Variants in CCDC3 observed in about 807,000 individuals in gnomAD.
CCDC3 encodes the protein coiled-coil domain containing 3.
Under a neutral mutation model 21.4 loss-of-function variants are expected in CCDC3, and 24 were observed. The ratio of observed to expected loss-of-function variants is 1.12; its 90% CI spans 0.81 to 1.58. CCDC3 has a LOEUF of 1.58. CCDC3 is among the 40% of genes most tolerant of loss of function. CCDC3 has a pLI of 0.00. For synonymous variants in CCDC3, 186 were observed against 166.0 expected, an observed-to-expected ratio of 1.12 and a Z score of -0.93; for missense variants, 425 against 360.9, an observed-to-expected ratio of 1.18 and a Z score of -1.44.
intron 4 of CCDC3, chr10:13,057,987 C>T (rs961032625): frequency 3.0e-5 from 20 of 674,090 alleles, no homozygotes; most frequent in Non-Finnish European, 4.9e-5. Flanking sequence ...TCTGGAGTTA[C>T]ATTGTTCTTT....
chr10:12,941,867 G>A (rs552981604), intron 2 of CCDC3, among the ~76,000 whole-genome samples: 1 of 152,184 alleles, frequency 6.6e-6, no homozygotes, highest in Non-Finnish European at 1.5e-5. Context: ...ATTTGTAAGA[G>A]TGCCTTCCTC....
intron 2 of CCDC3, among the ~76,000 whole-genome samples, chr10:12,937,677 AC>A (rs1834762224): frequency 1.3e-5 from 2 of 152,028 alleles, no homozygotes; most frequent in Non-Finnish European, 1.5e-5. Context: ...AAGTTTAAAA[AC>A]CCTTGTTCCA....
At position 12,897,494 on chromosome 10, in the gene CCDC3, A is replaced by C. The variant is rs1257426660; in HGVS notation, c.*922T>G. On this transcript the variant is annotated 3_prime_UTR_variant, in exon 3 of 3. Transcript: ENST00000378825. ...TGAGCCCTTTGGGAGCCTGGCTGGG[A>C]GTGAGGTCAGGTCACGTGATCCCAG... The C allele has an allele frequency of 6.6e-6, 1 of 152,136 alleles. No homozygotes were observed. Among genetic ancestry groups the C allele is most frequent in the Non-Finnish European group, 1.5e-5 (1 of 68,052 alleles). The allele number at this position is 152,136 out of a possible 1,614,324, so 9.4% of individuals were successfully genotyped here.
intron 2 of CCDC3, among the ~76,000 whole-genome samples, chr10:12,919,992 G>T (rs1043381221): frequency 1.3e-5 from 2 of 152,158 alleles, no homozygotes; most frequent in African/African-American, 2.4e-5. Flanking sequence ...GGGCCCGGAA[G>T]GGTTCTCAGC....
intron 2 of CCDC3, among the ~76,000 whole-genome samples, chr10:12,925,426 T>C (rs1028926627): frequency 2.0e-5 from 3 of 152,220 alleles, no homozygotes; most frequent in Non-Finnish European, 4.4e-5. Flanking sequence ...TTGAGTTGCA[T>C]ATTTCAAGGC....
At chr10:13,016,118 A>G (rs1836055567) in intron 5 of CCDC3, among the ~76,000 whole-genome samples, 1 of 152,166 alleles carries the variant, frequency 6.6e-6, no homozygotes, top group Non-Finnish European at 1.5e-5. Context: ...AAATTTTAAT[A>G]AAACAATAGT....
chr10:12,914,679 A>G (rs1479190466), intron 2 of CCDC3, among the ~76,000 whole-genome samples: 1 of 152,034 alleles, frequency 6.6e-6, no homozygotes, highest in Non-Finnish European at 1.5e-5. Context: ...CCTGGCCTCA[A>G]GTGATCCACC....
chr10:12,942,686 C>T (rs915341151), intron 2 of CCDC3, among the ~76,000 whole-genome samples: 1 of 152,208 alleles, frequency 6.6e-6, no homozygotes, highest in Non-Finnish European at 1.5e-5. Context: ...ACCTGCTATG[C>T]AAGTGGCACA....
Position 13,001,084 on chromosome 10 carries a change from T to C in CCDC3, c.374+113A>G. ...AGGGGTAGGCGCCCCAGGGGCATTC[T>C]CACTTGACACCGACAGGCTGCCCGG... On this transcript the variant is annotated intron_variant, in intron 1 of 2. Coordinates refer to ENST00000378825, the MANE Select transcript of CCDC3 (RefSeq NM_031455.4). 4.4e-6 allele frequency: 6 copies of C among 1,373,840 alleles called. No homozygotes were observed. In the South Asian group the frequency reaches 8.9e-5, roughly 20 times the overall value. The allele number at this position is 1,373,840 out of a possible 1,614,324, so 85.1% of individuals were successfully genotyped here.
intron 2 of CCDC3, among the ~76,000 whole-genome samples, chr10:12,926,459 C>T (rs1243746525): frequency 4.6e-5 from 7 of 152,068 alleles, no homozygotes; most frequent in African/African-American, 1.2e-4. Flanking sequence ...AGATTTGTGC[C>T]CCAGGGAGCA....
chr10:12,993,150 G>T (rs1835705058), intron 2 of CCDC3, among the ~76,000 whole-genome samples: 1 of 152,148 alleles, frequency 6.6e-6, no homozygotes, highest in South Asian at 2.1e-4. Context: ...TTTCAATGTG[G>T]TTTTTAAAGC....
chr10:12,924,685 C>G (rs1014467268), intron 2 of CCDC3: 1 of 152,194 alleles, frequency 6.6e-6, no homozygotes, highest in African/African-American at 2.4e-5. Flanking sequence ...ATCTGTGAGG[C>G]AACTCCTCCT....
At chr10:13,092,056 T>C (rs910318139) in intron 3 of CCDC3, among the ~76,000 whole-genome samples, 1 of 151,926 alleles carries the variant, frequency 6.6e-6, no homozygotes, top group Admixed American at 6.6e-5. Flanking sequence ...GAAGAAAGAG[T>C]GCAGGGTGCA....
chr10:13,066,334 C>G (rs1475446933), intron 4 of CCDC3, among the ~76,000 whole-genome samples: 1 of 152,178 alleles, frequency 6.6e-6, no homozygotes, highest in Non-Finnish European at 1.5e-5. Flanking sequence ...TCAGGTGATT[C>G]TTTAGCCCAC....
chr10:12,931,173 T>C (rs1327081180), intron 2 of CCDC3, among the ~76,000 whole-genome samples: 2 of 127,314 alleles, frequency 1.6e-5, no homozygotes, highest in Admixed American at 2.1e-4. Context: ...ATCATGCCAC[T>C]GCACTCCAGC....
At chr10:13,016,742 G>A (rs1836067305) in intron 5 of CCDC3, among the ~76,000 whole-genome samples, 1 of 151,972 alleles carries the variant, frequency 6.6e-6, no homozygotes, top group Non-Finnish European at 1.5e-5. Flanking sequence ...AAACTCTGTT[G>A]GAATCCGGTT....
chr10:13,090,220 C>G (rs1235342401), intron 3 of CCDC3, among the ~76,000 whole-genome samples: 1 of 151,218 alleles, frequency 6.6e-6, no homozygotes, highest in East Asian at 1.9e-4. Flanking sequence ...TCCCAAGTAG[C>G]TGGGACTACA....
intron 2 of CCDC3, among the ~76,000 whole-genome samples, chr10:12,937,156 T>A (rs1834752396): frequency 6.6e-6 from 1 of 151,804 alleles, no homozygotes; most frequent in Non-Finnish European, 1.5e-5. Flanking sequence ...ATCCCACAGT[T>A]CATCAGTTAC....
At chr10:12,971,972 C>T (rs1835349823) in intron 2 of CCDC3, among the ~76,000 whole-genome samples, 1 of 152,158 alleles carries the variant, frequency 6.6e-6, no homozygotes, top group Non-Finnish European at 1.5e-5. Flanking sequence ...CAGGTGTGAG[C>T]CACCATGCCC....
Sources: allele counts gnomAD v4.1 joint callset (sites outside exome capture counted in the v4.1 genomes callset), GRCh38; gene constraint gnomAD v4.1.1; transcripts MANE v1.5; gene names NCBI Gene and HGNC (gene_info 2026-07-23, HGNC 2026-07-21).